CXCL3: variants seen among roughly 807,000 people sequenced by gnomAD.
CXCL3 encodes the protein C-X-C motif chemokine 3.
Under a neutral mutation model 11.5 loss-of-function variants are expected in CXCL3, and 10 were observed. The ratio of observed to expected loss-of-function variants is 0.87; its 90% CI spans 0.54 to 1.48. The LOEUF (loss-of-function observed/expected upper bound fraction) is 1.48, where lower values mean the gene tolerates loss of function less well. CXCL3 is among the 40% of genes most tolerant of loss of function. The probability of loss-of-function intolerance (pLI) is 0.00; values close to 1 mark genes in which losing one functional copy is unlikely to be tolerated. For synonymous variants in CXCL3, 61 were observed against 60.9 expected (o/e 1.00, Z -0.01); for missense variants, 149 against 139.1 (o/e 1.07, Z -0.36).
intron 3 of CXCL3, 111 bp from the exon 4 acceptor site, chr4:74,037,388 T>G (rs1249288130): frequency 7.8e-7 from 1 of 1,280,116 alleles, no homozygotes; most frequent in East Asian, 2.4e-5. Context: ...AGCCCTCCAC[T>G]CAGGGAAGGT....
Position 74,038,347 on chromosome 4 carries a change from T to C in CXCL3, c.167A>G (p.Asn56Ser). 6.2e-7 allele frequency: 1 copy of C among 1,614,116 alleles called. No individual in the cohort carries two copies. ...GGACCTTACATTCACACTTTGGATGTTCTTGAGGTGAATTCCCTGCAGTGT... is the reference window on the plus strand; with the variant it reads ...GGACCTTACATTCACACTTTGGATGCTCTTGAGGTGAATTCCCTGCAGTGT... ...LQTLQGIHLK[N>S]IQSVNVRSPG... Residue 56 changes from asparagine (N) to serine (S), a missense_variant, in exon 2 of 4, where the codon AAC (asparagine) becomes AGC (serine). Coordinates refer to ENST00000296026, the MANE Select transcript of CXCL3 (RefSeq NM_002090.3).
In CXCL3 at chr4:74,038,475, G is replaced by A. The variant is rs756808288; in HGVS notation, c.100+37C>T. ...TCGGCGCGGGGCGCCCACCCCAGCC[G>A]CGTCCGGCCCGGGGACCCCAGGGCG... On this transcript the variant is annotated intron_variant, in intron 1 of 3. Transcript: ENST00000296026. The A allele has an allele frequency of 2.5e-6, 4 of 1,577,918 alleles. No individual in the cohort carries two copies. The East Asian group carries it at 9.9e-5, about 39-fold the overall frequency.
chr4:74,038,126 A>T lies in CXCL3; in HGVS notation c.275T>A (p.Met92Lys), dbSNP rs761297973. The change falls in exon 3 of 4, where the codon ATG becomes AAG. Residue 92 changes from methionine to lysine, a missense_variant. Physicochemically the swap from Met to Lys is moderately conservative, Grantham distance 95 (BLOSUM62 -1). Transcript: ENST00000296026. ...TATCTTTTCGATGATTTTCTGAACC[A>T]TGGGGGATGCGGGGTTGAGACAAGC... ...KKACLNPASP[M>K]VQKIIEKILN... The T allele has an allele frequency of 1.7e-5, 27 of 1,613,996 alleles. No individual in the cohort carries two copies. In the Middle Eastern group the frequency reaches 4.9e-4, roughly 29 times the overall value.
At position 74,038,589 on chromosome 4, in the gene CXCL3, G is replaced by A. The variant is rs1323873591; in HGVS notation, c.23C>T (p.Ala8Val). The A allele has an allele frequency of 1.3e-6, 2 of 1,485,532 alleles. No individual in the cohort carries two copies. The highest frequency in any genetic ancestry group is 1.8e-6 in the Non-Finnish European group (2 of 1,120,598). The allele number at this position is 1,485,532 out of a possible 1,614,324, so 92.0% of individuals were successfully genotyped here. ...CAGGAGCCGGGGATTGCTGGGGGCG[G>A]CGGAGAGCGTGGCGTGGGCCATGGG... Reference protein sequence around the residue: MAHATLSAAPSNPRLLRV... With the variant: MAHATLSVAPSNPRLLRV... The change falls in exon 1 of 4, where the codon GCC (alanine) becomes GTC (valine). Residue 8 changes from alanine (A) to valine (V), a missense_variant. Ala to Val is a moderately conservative substitution (Grantham distance 64). Transcript: ENST00000296026.
In CXCL3 at chr4:74,037,112, C is replaced by T; in HGVS notation, c.*150G>A. On this transcript the variant is annotated 3_prime_UTR_variant, in exon 4 of 4. Coordinates refer to ENST00000296026, the MANE Select transcript of CXCL3 (RefSeq NM_002090.3). ...AAATAAATACATAAATAAGTAGAACCCTCGTAAGAAATAGTCAAACACATT... is the reference window on the plus strand; with the variant it reads ...AAATAAATACATAAATAAGTAGAACTCTCGTAAGAAATAGTCAAACACATT... 2 of 679,664 alleles carry T rather than the reference C, an allele frequency of 2.9e-6. No individual in the cohort carries two copies. The highest frequency in any genetic ancestry group is 2.9e-5 in the Admixed American group (1 of 34,178). 42.1% of individuals were successfully genotyped at this position (679,664 alleles called of 1,614,324 possible). A position where few individuals can be genotyped will look rare whatever the true frequency, so the allele number is the denominator to read the frequency against.
chr4:74,038,510 A>G lies in CXCL3; in HGVS notation c.100+2T>C. On this transcript the variant is annotated splice_donor_variant, in intron 1 of 3. Transcript: ENST00000296026. LOFTEE classifies it high-confidence loss of function. ...CGGGGACCCCAGGGCGCCGGGACCC[A>G]CCTGCTGCGCGCCGGCTGGCGGCCA... 6.7e-7 allele frequency: 1 copy of G among 1,501,974 alleles called. No individual in the cohort carries two copies. Among genetic ancestry groups the G allele is most frequent in the Non-Finnish European group, 8.9e-7 (1 of 1,128,976 alleles). 93.0% of individuals were successfully genotyped at this position (1,501,974 alleles called of 1,614,324 possible).
Position 74,038,359 on chromosome 4 carries a change from A to G in CXCL3, c.155T>C (p.Ile52Thr). ...RCQCLQTLQG[I>T]HLKNIQSVNV... ...CACACTTTGGATGTTCTTGAGGTGA[A>G]TTCCCTGCAGTGTCTGCAAGCACTG... Residue 52 changes from isoleucine to threonine, a missense_variant, in exon 2 of 4, where the codon ATT (isoleucine) becomes ACT (threonine). Physicochemically the swap from Ile to Thr is moderately conservative, Grantham distance 89. Coordinates refer to ENST00000296026, the MANE Select transcript of CXCL3 (RefSeq NM_002090.3). 6.2e-7 allele frequency: 1 copy of G among 1,614,142 alleles called. No homozygotes were observed. The highest frequency in any genetic ancestry group is 8.5e-7 in the Non-Finnish European group (1 of 1,180,014).
At chr4:74,037,467 G>C in intron 3 of CXCL3, 190 bp from the exon 4 acceptor site, 1 of 465,526 alleles carries the variant, frequency 2.1e-6, no homozygotes, top group South Asian at 2.3e-5. Context: ...TTTTTTTCAA[G>C]AAAGAAGTGG....
Position 74,036,668 on chromosome 4 carries a change from G to C in CXCL3, c.*594C>G, listed in dbSNP as rs1416604241. On this transcript the variant is annotated 3_prime_UTR_variant, in exon 4 of 4. Coordinates refer to ENST00000296026, the MANE Select transcript of CXCL3 (RefSeq NM_002090.3). The stretch of plus-strand genomic sequence containing the variant: ...GATAAATTCTCTTTTCCAAGGGAAA[G>C]AGAAACGCTGCAGAATGGACATTAA... 2 of 152,090 alleles carry C rather than the reference G, an allele frequency of 1.3e-5. No homozygotes were observed. Among genetic ancestry groups the C allele is most frequent in the Non-Finnish European group, 2.9e-5 (2 of 68,000 alleles). 9.4% of individuals were successfully genotyped at this position (152,090 alleles called of 1,614,324 possible).
At chr4:74,037,512 C>G in intron 3 of CXCL3, 1 of 526,384 alleles carries the variant, frequency 1.9e-6, no homozygotes, top group South Asian at 2.3e-5. Context: ...TTTGAAAAAG[C>G]CAAAACATAT....
intron 3 of CXCL3, 69 bp downstream of exon 3, chr4:74,038,024 T>C (rs1282401634): frequency 6.7e-7 from 1 of 1,494,502 alleles, no homozygotes; most frequent in Non-Finnish European, 9.2e-7. Flanking sequence ...ATTTTATTTT[T>C]AGGGGGCAGA....
chr4:74,038,643 G>A lies in CXCL3; in HGVS notation c.-32C>T, dbSNP rs943998793. The A allele has an allele frequency of 2.9e-6, 4 of 1,400,196 alleles. No individual in the cohort carries two copies. The Admixed American group carries it at 1.0e-4, about 35-fold the overall frequency. The allele number at this position is 1,400,196 out of a possible 1,614,324, so 86.7% of individuals were successfully genotyped here. A position where few individuals can be genotyped will look rare whatever the true frequency, so the allele number is the denominator to read the frequency against. ...CAGCAGACGCGTCGGGAAGCTGTGC[G>A]AGAAGCGGGAGAGCTGGCGGGGAGG... is the stretch of plus-strand genomic sequence containing the variant. On this transcript the variant is annotated 5_prime_UTR_variant, in exon 1 of 4. Coordinates refer to ENST00000296026, the MANE Select transcript of CXCL3 (RefSeq NM_002090.3).
chr4:74,037,856 A>T, intron 3 of CXCL3: 1 of 497,784 alleles, frequency 2.0e-6, no homozygotes, highest in Non-Finnish European at 3.5e-6. Context: ...CTAGAAACCC[A>T]CATTTACCCT....
rs775129846 is a variant in CXCL3, at chr4:74,038,150, G to A, written c.251C>T (p.Ala84Val). 5.0e-6 allele frequency: 8 copies of A among 1,613,972 alleles called. No individual in the cohort carries two copies. The highest frequency in any genetic ancestry group is 4.0e-5 in the African/African-American group (3 of 74,910). Residue 84 changes from alanine (A) to valine (V), a missense_variant, in exon 3 of 4, where the codon GCT becomes GTT. Physicochemically the swap from Ala to Val is moderately conservative, Grantham distance 64. Coordinates refer to ENST00000296026, the MANE Select transcript of CXCL3 (RefSeq NM_002090.3). ...CATGGGGGATGCGGGGTTGAGACAA[G>A]CTTTCTTCCCATTCTTGAGTGTGGC... ...VIATLKNGKK[A>V]CLNPASPMVQ...
chr4:74,037,149 A>T lies in CXCL3; in HGVS notation c.*113T>A, dbSNP rs1720010436. On this transcript the variant is annotated 3_prime_UTR_variant, in exon 4 of 4. Coordinates refer to ENST00000296026, the MANE Select transcript of CXCL3 (RefSeq NM_002090.3). ...TAGTCAAACACATTAAGTCCTTTCC[A>T]GCTGTCCCTAGAAAGCTGCTGTTCT... 3 of 1,175,862 alleles carry T rather than the reference A, an allele frequency of 2.6e-6. No individual in the cohort carries two copies. The highest frequency in any genetic ancestry group is 3.8e-5 in the Admixed American group (2 of 52,004). 72.8% of individuals were successfully genotyped at this position (1,175,862 alleles called of 1,614,324 possible).
In CXCL3 at chr4:74,037,143, C is replaced by A; in HGVS notation, c.*119G>T. 2 of 1,101,320 alleles carry A rather than the reference C, an allele frequency of 1.8e-6. No individual in the cohort carries two copies. Among genetic ancestry groups the A allele is most frequent in the Middle Eastern group, 2.0e-4 (1 of 4,908 alleles). The allele number at this position is 1,101,320 out of a possible 1,614,324, so 68.2% of individuals were successfully genotyped here. ...AAGAAATAGTCAAACACATTAAGTC[C>A]TTTCCAGCTGTCCCTAGAAAGCTGC... On this transcript the variant is annotated 3_prime_UTR_variant, in exon 4 of 4. Transcript: ENST00000296026.
Position 74,038,071 on chromosome 4 carries a change from GTA to G in CXCL3, c.308+20_308+21del. On this transcript the variant is annotated intron_variant, in intron 3 of 3. Coordinates refer to ENST00000296026, the MANE Select transcript of CXCL3 (RefSeq NM_002090.3). ...CTGACCAACGGCTCCAGTCGCCTGT[GTA>G]TATGGAAATTACAACTCACTTGTTC... 6.2e-7 allele frequency: 1 copy of G among 1,612,772 alleles called. No homozygotes were observed.
intron 3 of CXCL3, 49 bp from the exon 4 acceptor site, chr4:74,037,326 T>C: frequency 1.2e-6 from 2 of 1,613,018 alleles, no homozygotes; most frequent in Non-Finnish European, 1.7e-6. Context: ...AAGGCTGCTC[T>C]TCTGTCACTC....
chr4:74,037,872 G>T (rs1176994851), intron 3 of CXCL3: 1 of 541,648 alleles, frequency 1.8e-6, no homozygotes. Flanking sequence ...ACCCTCCCAG[G>T]GGTTAGGCCT....
Sources: allele counts gnomAD v4.1 joint callset, GRCh38; gene constraint gnomAD v4.1.1; transcripts MANE v1.5; gene names NCBI Gene and HGNC (gene_info 2026-07-23, HGNC 2026-07-21).